RNASEH2B: variants seen among roughly 807,000 people sequenced by gnomAD.
RNASEH2B encodes Aicardi-Goutieres syndrome 2 protein.
In RNASEH2B, 36 loss-of-function variants were observed where a neutral mutation model predicts 45.0. The observed-to-expected ratio is 0.80, with a 90% confidence interval of 0.61 to 1.06. The LOEUF (loss-of-function observed/expected upper bound fraction) is 1.06. RNASEH2B is among the 50% of genes least tolerant of loss of function. RNASEH2B has a pLI of 0.00. For synonymous variants in RNASEH2B, 119 were observed against 125.7 expected, an observed-to-expected ratio of 0.95 and a Z score of 0.35; for missense variants, 361 against 360.3, an observed-to-expected ratio of 1.00 and a Z score of -0.02.
chr13:50,945,527 A>G lies in RNASEH2B; in HGVS notation c.611A>G (p.Lys204Arg), dbSNP rs896102356. 1 of 1,606,474 alleles carries G rather than the reference A, an allele frequency of 6.2e-7. No individual in the cohort carries two copies. Among genetic ancestry groups the G allele is most frequent in the African/African-American group, 1.3e-5 (1 of 74,758 alleles). ...TCTGGTGACCAAGCTTCCACTGACA[A>G]GGAAGGTAAGTAAAGCATTTTATCA... ...FFSGDQASTD[K>R]EEDYIRYAHG... is the part of the protein sequence containing the mutation. The change falls in exon 7 of 11, where the codon AAG (lysine) becomes AGG (arginine). Residue 204 changes from lysine to arginine, a missense_variant. Physicochemically the swap from Lys to Arg is conservative, Grantham distance 26. Coordinates refer to ENST00000336617, the MANE Select transcript of RNASEH2B (RefSeq NM_024570.4).
intron 5 of RNASEH2B, chr13:50,935,491 AC>A (rs1237744179): frequency 5.6e-6 from 1 of 178,444 alleles, no homozygotes; most frequent in Non-Finnish European, 1.2e-5. Flanking sequence ...CTGAGCAGTG[AC>A]CGCACAGTGT....
chr13:50,910,055 C>T lies in RNASEH2B; in HGVS notation c.-22C>T. On this transcript the variant is annotated 5_prime_UTR_variant, in exon 1 of 11. Transcript: ENST00000336617. ...GAGGCCCGCGGCGCTGAGCCTGCGGCGCCCCGGAAGAGGCGGGCGGCATGG... is the reference window on the plus strand; with the variant it reads ...GAGGCCCGCGGCGCTGAGCCTGCGGTGCCCCGGAAGAGGCGGGCGGCATGG... 3 of 1,464,252 alleles carry T rather than the reference C, an allele frequency of 2.0e-6. No homozygotes were observed. Among genetic ancestry groups the T allele is most frequent in the South Asian group, 1.3e-5 (1 of 75,086 alleles). 90.7% of individuals were successfully genotyped at this position (1,464,252 alleles called of 1,614,324 possible).
At chr13:50,960,275 T>C, downstream of RNASEH2B, 1 of 394,264 alleles carries the variant, frequency 2.5e-6, no homozygotes, top group Non-Finnish European at 4.3e-6. Flanking sequence ...TAGTACATAA[T>C]ATAGTATGTA....
chr13:50,940,574 A>G (rs1052422008), intron 5 of RNASEH2B, among the ~76,000 whole-genome samples: 1 of 152,196 alleles, frequency 6.6e-6, no homozygotes, highest in African/African-American at 2.4e-5. Context: ...TGTGGGAGGC[A>G]AGGCCAGTGT....
chr13:50,952,373 C>T (rs565773397), intron 9 of RNASEH2B: 16 of 152,224 alleles, frequency 1.1e-4, no homozygotes, highest in African/African-American at 3.9e-4. Flanking sequence ...ATCACCTAAA[C>T]ACCCTTTGCT....
chr13:50,919,782 A>G (rs1473310281), intron 1 of RNASEH2B, among the ~76,000 whole-genome samples: 1 of 152,198 alleles, frequency 6.6e-6, no homozygotes, highest in South Asian at 2.1e-4. Context: ...TCTGACCTTC[A>G]GGCAGGTTTT....
chr13:50,962,848 G>A (rs1952124398), intron 9 of RNASEH2B, among the ~76,000 whole-genome samples: 1 of 152,034 alleles, frequency 6.6e-6, no homozygotes, highest in Non-Finnish European at 1.5e-5. Flanking sequence ...TAAGCTCCTT[G>A]AACTTTTGAG....
intron 9 of RNASEH2B, chr13:50,969,923 C>A (rs912539388): frequency 1.4e-5 from 22 of 1,551,352 alleles, no homozygotes; most frequent in Non-Finnish European, 1.9e-5. Flanking sequence ...GTTTTCCTTT[C>A]CTCTCTAGAT....
At chr13:50,938,121 A>G (rs1443914393) in intron 5 of RNASEH2B, 1 of 152,364 alleles carries the variant, frequency 6.6e-6, no homozygotes, top group East Asian at 1.9e-4. Context: ...TTGTGTTTCT[A>G]TATACTGACA....
chr13:50,970,168 G>C (rs555426386), exon 10 of RNASEH2B: 2 of 637,660 alleles, frequency 3.1e-6, no homozygotes, highest in Non-Finnish European at 5.5e-6. Flanking sequence ...GGAGCACTCA[G>C]CTAGGCGGTT....
downstream of RNASEH2B, among the ~76,000 whole-genome samples, chr13:50,961,279 T>A (rs1051262548): frequency 2.0e-5 from 3 of 152,216 alleles, no homozygotes; most frequent in Non-Finnish European, 4.4e-5. Context: ...ATTTTTAGGA[T>A]CTGATGATTT....
chr13:50,919,748 C>T (rs992857842), intron 1 of RNASEH2B, among the ~76,000 whole-genome samples: 5 of 152,142 alleles, frequency 3.3e-5, no homozygotes, highest in African/African-American at 1.2e-4. Flanking sequence ...GAGTTTAAAT[C>T]CTGGCTCTAT....
intron 4 of RNASEH2B, among the ~76,000 whole-genome samples, chr13:50,931,996 A>C (rs1951686752): frequency 1.4e-5 from 2 of 141,362 alleles, no homozygotes; most frequent in African/African-American, 2.6e-5. Context: ...CCTTTTGTTA[A>C]TATTACCACT....
chr13:50,920,249 T>C (rs966557426), intron 1 of RNASEH2B, among the ~76,000 whole-genome samples: 1 of 152,200 alleles, frequency 6.6e-6, no homozygotes, highest in African/African-American at 2.4e-5. Context: ...TTCACCATGT[T>C]GGCCGGGCTG....
chr13:50,928,605 T>C (rs964584924), intron 2 of RNASEH2B: 1 of 152,218 alleles, frequency 6.6e-6, no homozygotes, highest in African/African-American at 2.4e-5. Context: ...ACATTGGCAG[T>C]GGGAAAGTAA....
chr13:50,912,531 A>C (rs1048728430), intron 1 of RNASEH2B: 13 of 152,230 alleles, frequency 8.5e-5, no homozygotes, highest in African/African-American at 3.1e-4. Flanking sequence ...TGGTCAAGGA[A>C]GTGCATGTAA....
downstream of RNASEH2B, among the ~76,000 whole-genome samples, chr13:50,958,307 A>G (rs1358448916): frequency 6.6e-6 from 1 of 152,158 alleles, no homozygotes; most frequent in Non-Finnish European, 1.5e-5. Context: ...TCCTCTGCAT[A>G]TGGCTGGTCA....
intron 1 of RNASEH2B, 129 bp from the exon 2 acceptor site, chr13:50,927,278 G>A (rs1951610465): frequency 7.7e-6 from 5 of 653,594 alleles, no homozygotes; most frequent in South Asian, 1.6e-5. Flanking sequence ...CACAACATTT[G>A]TAAGTGATAA....
At chr13:50,958,224 GT>G (rs1476242739), downstream of RNASEH2B, among the ~76,000 whole-genome samples, 1 of 152,158 alleles carries the variant, frequency 6.6e-6, no homozygotes, top group Non-Finnish European at 1.5e-5. Context: ...ATAGCTTGAG[GT>G]CTTACAGTTA....
Sources: gnomAD v4.1 joint callset for allele counts (sites outside exome capture counted in the v4.1 genomes callset) on GRCh38, gnomAD v4.1.1 for gene constraint, MANE v1.5 for transcripts, NCBI Gene and HGNC (gene_info 2026-07-23, HGNC 2026-07-21) for gene names.